Variants in ZNF536 observed in about 807,000 individuals in gnomAD.
ZNF536 encodes zinc finger protein 536.
A neutral mutation model predicts 84.5 loss-of-function variants in ZNF536; 13 were observed. The ratio of observed to expected loss-of-function variants is 0.15; its 90% CI spans 0.10 to 0.24. The LOEUF is 0.24. Among genes scored for constraint, ZNF536 ranks in the 10% least tolerant of loss-of-function variants. The pLI is 1.00. For synonymous variants in ZNF536, 811 were observed against 742.5 expected, an observed-to-expected ratio of 1.09 and a Z score of -1.50; for missense variants, 1,536 against 1,747.5, an observed-to-expected ratio of 0.88 and a Z score of 2.16.
intron 2 of ZNF536, among the ~76,000 whole-genome samples, chr19:30,289,262 T>C (rs1227857981): frequency 6.6e-6 from 1 of 152,260 alleles, no homozygotes; most frequent in African/African-American, 2.4e-5. Flanking sequence ...TTTATATTTT[T>C]AGCTTCCACT....
intron 1 of ZNF536, among the ~76,000 whole-genome samples, chr19:30,429,223 A>G (rs1044315036): frequency 6.6e-6 from 1 of 152,026 alleles, no homozygotes; most frequent in Admixed American, 6.5e-5. Context: ...TTCAGTCAGC[A>G]CTTCCTGAGC....
At chr19:30,308,351 A>AT (rs989918436) in intron 2 of ZNF536, among the ~76,000 whole-genome samples, 52 of 149,836 alleles carry the variant, frequency 3.5e-4, no homozygotes, top group Middle Eastern at 3.4e-3. Context: ...TCTTGTGAAC[A>AT]TTTTTTTTTT....
At chr19:30,427,193 CTCT>C (rs2051252123) in intron 1 of ZNF536, among the ~76,000 whole-genome samples, 1 of 152,204 alleles carries the variant, frequency 6.6e-6, no homozygotes, top group African/African-American at 2.4e-5. Context: ...TCAGATATTT[CTCT>C]TGCTCTGCCA....
chr19:30,446,985 T>A (rs1489974898), intron 2 of ZNF536, among the ~76,000 whole-genome samples: 1 of 152,248 alleles, frequency 6.6e-6, no homozygotes, highest in African/African-American at 2.4e-5. Context: ...AGCACCTCGC[T>A]AATACTGTAA....
chr19:30,542,373 T>C (rs986179968), intron 3 of ZNF536, among the ~76,000 whole-genome samples: 4 of 152,168 alleles, frequency 2.6e-5, no homozygotes, highest in South Asian at 2.1e-4. Context: ...TTTCTAGAAA[T>C]TGATGATACA....
At chr19:30,426,210 A>G (rs912174619) in intron 1 of ZNF536, among the ~76,000 whole-genome samples, 3 of 152,226 alleles carry the variant, frequency 2.0e-5, no homozygotes, top group African/African-American at 7.2e-5. Context: ...AAAACCTGCT[A>G]CTGACTTTAA....
chr19:30,558,725 G>A (rs1274501413), downstream of ZNF536, among the ~76,000 whole-genome samples: 1 of 152,112 alleles, frequency 6.6e-6, no homozygotes, highest in Middle Eastern at 3.2e-3. Flanking sequence ...CTGGACTTGA[G>A]GGTCCTGCCA....
At chr19:30,382,348 A>C (rs964106622) in intron 1 of ZNF536, among the ~76,000 whole-genome samples, 10 of 152,224 alleles carry the variant, frequency 6.6e-5, no homozygotes, top group Non-Finnish European at 1.5e-4. Flanking sequence ...TGCATGGTCT[A>C]TCCAGTGCCT....
chr19:30,461,368 A>G (rs1490734322), intron 2 of ZNF536, among the ~76,000 whole-genome samples: 1 of 152,208 alleles, frequency 6.6e-6, no homozygotes, highest in Non-Finnish European at 1.5e-5. Flanking sequence ...GGCTGCTGGT[A>G]GGACAGGCTG....
Position 30,506,179 on chromosome 19 carries a change from A to G in ZNF536, c.2171-28668A>G, listed in dbSNP as rs1178809141. On this transcript the variant is annotated intron_variant, in intron 2 of 4. Transcript: ENST00000355537. ...TATTCCTATTTATATTTCATGATGT[A>G]TTTTCCTTGTTTGTTTCATAAGCAG... is the stretch of plus-strand genomic sequence containing the variant. Among the ~76,000 whole-genome samples the G allele has an allele frequency of 2.0e-5, 3 of 152,012 alleles. No homozygotes were observed. In the East Asian group the frequency reaches 5.8e-4, roughly 29 times the overall value.
intron 1 of ZNF536, among the ~76,000 whole-genome samples, chr19:30,661,450 T>G (rs778202667): frequency 6.6e-6 from 1 of 152,204 alleles, no homozygotes; most frequent in Admixed American, 6.5e-5. Flanking sequence ...CCTAGAAATA[T>G]GTAGTCCTGT....
chr19:30,375,659 G>T (rs1340064560), intron 1 of ZNF536, among the ~76,000 whole-genome samples: 1 of 152,248 alleles, frequency 6.6e-6, no homozygotes, highest in East Asian at 1.9e-4. Context: ...GAGTGTACAT[G>T]GCGTGTGCCT....
intron 1 of ZNF536, among the ~76,000 whole-genome samples, chr19:30,625,118 G>T (rs994597589): frequency 2.0e-5 from 3 of 152,150 alleles, no homozygotes; most frequent in Non-Finnish European, 2.9e-5. Context: ...ATGCAGCCAG[G>T]CTCAAGGAGC....
chr19:30,406,897 T>C (rs917845484), intron 1 of ZNF536, among the ~76,000 whole-genome samples: 10 of 152,208 alleles, frequency 6.6e-5, no homozygotes, highest in African/African-American at 2.2e-4. Context: ...TAGAAAGAGA[T>C]GCGAGCAGAG....
chr19:30,657,304 T>C (rs2049949266), intron 1 of ZNF536, among the ~76,000 whole-genome samples: 1 of 152,170 alleles, frequency 6.6e-6, no homozygotes, highest in African/African-American at 2.4e-5. Flanking sequence ...GTAATGACTA[T>C]GAAAATAGAA....
chr19:30,503,583 A>G (rs2145366167), intron 2 of ZNF536, among the ~76,000 whole-genome samples: 1 of 152,366 alleles, frequency 6.6e-6, no homozygotes, highest in Middle Eastern at 3.4e-3. Flanking sequence ...AAAAATAGAA[A>G]CATTCTCAAA....
rs533561777 is a variant in ZNF536 at position 30,515,949 on chromosome 19, C to T, written c.2171-18898C>T. 4.0e-5 allele frequency among the ~76,000 whole-genome samples: 6 copies of T among 149,804 alleles called. No individual in the cohort carries two copies. The East Asian group carries it at 9.7e-4, about 24-fold the overall frequency. On this transcript the variant is annotated intron_variant, in intron 2 of 4. Coordinates refer to ENST00000355537, the MANE Select transcript of ZNF536 (RefSeq NM_014717.3). ...GGCTGAGGCAGGAGAATCGTTTGAA[C>T]CCAGGAGGCGGAGGTTGTAGTGAGC...
intron 2 of ZNF536, among the ~76,000 whole-genome samples, chr19:30,528,133 G>C (rs971721977): frequency 3.9e-5 from 6 of 152,138 alleles, no homozygotes; most frequent in Non-Finnish European, 8.8e-5. Context: ...AACGTAGTAA[G>C]CGCCAGGGTG....
intron 1 of ZNF536, among the ~76,000 whole-genome samples, chr19:30,390,611 C>T (rs2049545203): frequency 6.6e-6 from 1 of 152,254 alleles, no homozygotes; most frequent in Admixed American, 6.5e-5. Flanking sequence ...ATCCAGTCTT[C>T]TTGAGGTCTG....
Sources: allele counts gnomAD v4.1 joint callset (sites outside exome capture counted in the v4.1 genomes callset), GRCh38; gene constraint gnomAD v4.1.1; transcripts MANE v1.5; gene names NCBI Gene and HGNC (gene_info 2026-07-23, HGNC 2026-07-21).